Variants in FTSJ1 observed in about 807,000 individuals in gnomAD.
FTSJ1 encodes tRNA (cytidine(32)/guanosine(34)-2'-O)-methyltransferase.
FTSJ1 carries 3 observed loss-of-function variants against 28.5 expected under a neutral mutation model. The observed-to-expected ratio is 0.11, with a 90% CI of 0.05 to 0.27. The LOEUF is 0.27. Ranked by LOEUF, FTSJ1 falls within the 10% of genes least tolerant of loss-of-function variation. FTSJ1 has a pLI of 1.00. For missense variants in FTSJ1, 162 were observed against 279.0 expected, an observed-to-expected ratio of 0.58 and a Z score of 2.99; for synonymous variants, 104 against 113.9, an observed-to-expected ratio of 0.91 and a Z score of 0.55.
Position 48,477,980 on chromosome X carries a change from C to G in FTSJ1, c.-68C>G. On this transcript the variant is annotated 5_prime_UTR_variant, in exon 2 of 13. Coordinates refer to ENST00000348411, the MANE Select transcript of FTSJ1 (RefSeq NM_012280.4). ...CTACAGAGGTAGGTGGTAGCCCATTCATCTGGTTACTGATACTGGCCGGCA... is the reference window on the plus strand; with the variant it reads ...CTACAGAGGTAGGTGGTAGCCCATTGATCTGGTTACTGATACTGGCCGGCA... 2.5e-6 allele frequency: 3 copies of G among 1,207,251 alleles called. No individual in the cohort carries two copies. The African/African-American group carries it at 5.2e-5, about 21-fold the overall frequency.
intron 10 of FTSJ1, 30 bp from the exon 11 acceptor site, chrX:48,482,567 C>T (rs1556968963): frequency 1.7e-6 from 2 of 1,192,062 alleles, no homozygotes; most frequent in Non-Finnish European, 2.3e-6. Flanking sequence ...ACCAGGTCCT[C>T]ACCATCTCCC....
At chrX:48,482,862 A>G in intron 11 of FTSJ1, 68 bp downstream of exon 11, 2 of 1,206,863 alleles carry the variant, frequency 1.7e-6, no homozygotes, top group South Asian at 1.8e-5. Context: ...CCCAAATCTC[A>G]TGGTTTCTGG....
At chrX:48,481,077 T>C (rs2061565208) in intron 5 of FTSJ1, 74 bp from the exon 6 acceptor site, 1 of 882,916 alleles carries the variant, frequency 1.1e-6, no homozygotes, top group African/African-American at 2.0e-5. Context: ...ATGTATTTAG[T>C]GTCTGATCTG....
At position 48,482,493 on chromosome X, in the gene FTSJ1, G is replaced by A. The variant is rs1333430451; in HGVS notation, c.746G>A (p.Ser249Asn). 5 of 1,198,563 alleles carry A rather than the reference G, an allele frequency of 4.2e-6. No individual in the cohort carries two copies. The highest frequency in any genetic ancestry group is 5.6e-6 in the Non-Finnish European group (5 of 885,580). Residue 249 changes from serine to asparagine, a missense_variant, in exon 10 of 13, where the codon AGT becomes AAT. Transcript: ENST00000348411. ...GDLSSYDSDR[S>N]YPLDLEGGSE... Reference sequence around the variant, plus strand: ...CTGAGCTCCTATGATTCGGACCGCAGTTACCCACTGGACGTGAGTGCCCAA... The same window carrying A: ...CTGAGCTCCTATGATTCGGACCGCAATTACCCACTGGACGTGAGTGCCCAA...
At chrX:48,479,279 G>A (rs1417019799) in intron 5 of FTSJ1, among the ~76,000 whole-genome samples, 163 bp downstream of exon 5, 3 of 111,811 alleles carry the variant, frequency 2.7e-5, no homozygotes, top group Non-Finnish European at 1.9e-5. Context: ...TACCTCTGCT[G>A]CCTGTTCTCT....
At chrX:48,478,893 G>C in intron 4 of FTSJ1, 145 bp from the exon 5 acceptor site, 1 of 555,255 alleles carries the variant, frequency 1.8e-6, no homozygotes, top group South Asian at 2.7e-5. Flanking sequence ...ATGATGCTGG[G>C]TCCCCAGAGG....
At chrX:48,477,163 G>A (rs184881792) in intron 1 of FTSJ1, among the ~76,000 whole-genome samples, 9 of 111,348 alleles carry the variant, frequency 8.1e-5, no homozygotes, top group African/African-American at 2.6e-4. Flanking sequence ...TAGGTGAATA[G>A]TAAACTGTTG....
chrX:48,478,775 G>T, intron 4 of FTSJ1, 68 bp downstream of exon 4: 2 of 752,280 alleles, frequency 2.7e-6, no homozygotes, highest in Non-Finnish European at 4.1e-6. Context: ...TCTATGCAGA[G>T]TGGAAGAGAA....
Position 48,481,453 on chromosome X carries a change from C to A in FTSJ1, c.496C>A (p.Leu166Ile), listed in dbSNP as rs782711243. ...KIFRGRDVTL[L>I]YSQLQVFFSS... Reference sequence around the variant, plus strand: ...ATTCCGAGGCCGGGATGTGACGCTCCTCTACAGCCAGCTGCAGGTCTTCTT... The same window carrying A: ...ATTCCGAGGCCGGGATGTGACGCTCATCTACAGCCAGCTGCAGGTCTTCTT... The change falls in exon 8 of 13, where the codon CTC becomes ATC. Residue 166 changes from leucine (L) to isoleucine (I), a missense_variant. By Grantham distance (5) the Leu-to-Ile change is conservative. Coordinates refer to ENST00000348411, the MANE Select transcript of FTSJ1 (RefSeq NM_012280.4). 2.5e-6 allele frequency: 3 copies of A among 1,210,835 alleles called. No individual in the cohort carries two copies. Among genetic ancestry groups the A allele is most frequent in the East Asian group, 3.0e-5 (1 of 33,805 alleles).
At chrX:48,485,065 G>A (rs1408528649) in intron 12 of FTSJ1, among the ~76,000 whole-genome samples, 1 of 111,482 alleles carries the variant, frequency 9.0e-6, no homozygotes, top group African/African-American at 3.3e-5. Flanking sequence ...AGGCCGAGGT[G>A]GGTGGATCAC....
At chrX:48,480,418 A>AG (rs1399809802) in intron 5 of FTSJ1, among the ~76,000 whole-genome samples, 3 of 110,094 alleles carry the variant, frequency 2.7e-5, no homozygotes, top group Non-Finnish European at 3.8e-5. Context: ...GAACAGAGTG[A>AG]GGGGGGGAGA....
chrX:48,481,815 GT>G (rs782787469), intron 9 of FTSJ1, 100 bp downstream of exon 9: 47 of 579,246 alleles, frequency 8.1e-5, no homozygotes, highest in Non-Finnish European at 1.2e-4. Flanking sequence ...GGGAGGCTCT[GT>G]CCCCTCATGG....
At chrX:48,482,382 T>C (rs781938171) in intron 9 of FTSJ1, 21 bp from the exon 10 acceptor site, 6 of 1,123,248 alleles carry the variant, frequency 5.3e-6, no homozygotes, top group Non-Finnish European at 1.2e-6. Context: ...TTGTCCTCAG[T>C]TGTCTCCCCC....
At chrX:48,478,730 T>C in intron 4 of FTSJ1, 23 bp downstream of exon 4, 1 of 1,093,052 alleles carries the variant, frequency 9.1e-7, no homozygotes, top group Non-Finnish European at 1.3e-6. Context: ...CTGAGGGTGT[T>C]GGGGTATATC....
chrX:48,483,074 T>C lies in FTSJ1; in HGVS notation c.*9+47T>C, dbSNP rs7066831. On this transcript the variant is annotated intron_variant, in intron 12 of 12. Transcript: ENST00000348411. ...AGAGTTTGAGTAAGGGCAACCTTTA[T>C]GAAAAACCTCAGTAAAATTTCACCT... is the stretch of plus-strand genomic sequence containing the variant. 0.011 allele frequency: 10,935 copies of C among 990,904 alleles called. 581 individuals are homozygous for C. In the African/African-American group the frequency reaches 0.17, roughly 15 times the overall value. The allele number at this position is 990,904 out of a possible 1,213,427, so 81.7% of individuals were successfully genotyped here.
At chrX:48,481,226 G>A in intron 6 of FTSJ1, 23 bp downstream of exon 6, 1 of 1,204,994 alleles carries the variant, frequency 8.3e-7, no homozygotes, top group Non-Finnish European at 1.1e-6. Context: ...GGCCACCCCT[G>A]ACCCACTTTG....
At chrX:48,483,579 G>A (rs149168753) in intron 12 of FTSJ1, among the ~76,000 whole-genome samples, 3 of 110,427 alleles carry the variant, frequency 2.7e-5, no homozygotes, top group South Asian at 3.9e-4. Flanking sequence ...GTGATTTCCC[G>A]GGCTCAAAAA....
chrX:48,486,074 G>T lies in FTSJ1; in HGVS notation c.*348G>T, dbSNP rs1376216189. The stretch of plus-strand genomic sequence containing the variant: ...AGAAAATGTTACATCTTTATTTTCA[G>T]CAATGAAACTGAAATTTAGCCTTAC... On this transcript the variant is annotated 3_prime_UTR_variant, in exon 13 of 13. Transcript: ENST00000348411. 1 of 112,359 alleles carries T rather than the reference G, an allele frequency of 8.9e-6. No homozygotes were observed. Among genetic ancestry groups the T allele is most frequent in the African/African-American group, 3.2e-5 (1 of 30,901 alleles). The allele number at this position is 112,359 out of a possible 1,213,427, so 9.3% of individuals were successfully genotyped here.
intron 5 of FTSJ1, among the ~76,000 whole-genome samples, 154 bp downstream of exon 5, chrX:48,479,270 A>G (rs1602049886): frequency 9.0e-6 from 1 of 110,532 alleles, no homozygotes; most frequent in African/African-American, 3.3e-5. Flanking sequence ...ACTTCTCCCT[A>G]CCTCTGCTGC....
Sources: allele counts gnomAD v4.1 joint callset (sites outside exome capture counted in the v4.1 genomes callset), GRCh38; gene constraint gnomAD v4.1.1; transcripts MANE v1.5; gene names NCBI Gene and HGNC (gene_info 2026-07-23, HGNC 2026-07-21).